The following FRS2 variants were observed in gnomAD, a reference collection of about 807,000 sequenced individuals.
FRS2 encodes the protein FGFR signalling adaptor.
Under a neutral mutation model 43.9 loss-of-function variants are expected in FRS2, and 8 were observed. The ratio of observed to expected loss-of-function variants is 0.18; its 90% CI spans 0.11 to 0.33. FRS2 has a LOEUF of 0.33. FRS2 is among the 10% of genes least tolerant of loss of function. The pLI is 1.00. For synonymous variants in FRS2, 219 were observed against 220.3 expected, an observed-to-expected ratio of 0.99 and a Z score of 0.05; for missense variants, 534 against 627.6, an observed-to-expected ratio of 0.85 and a Z score of 1.59.
intron 1 of FRS2, among the ~76,000 whole-genome samples, chr12:69,478,948 C>CTT (rs75219491): frequency 2.8e-5 from 4 of 140,912 alleles, no homozygotes; most frequent in Non-Finnish European, 4.7e-5. Context: ...ATATGAATGT[C>CTT]TTTTTTTTTT....
intron 6 of FRS2, 131 bp downstream of exon 6, chr12:69,570,648 A>G (rs992147850): frequency 6.4e-6 from 4 of 622,590 alleles, no homozygotes; most frequent in South Asian, 2.1e-5. Flanking sequence ...AAGGAAAGAT[A>G]TAGTATACTG....
chr12:69,557,449 G>A (rs968462054), intron 3 of FRS2, among the ~76,000 whole-genome samples: 3 of 152,048 alleles, frequency 2.0e-5, no homozygotes, highest in South Asian at 2.1e-4. Context: ...TCTGTGGTGC[G>A]ATCTGTGAAT....
At chr12:69,569,379 CT>C (rs1880563236) in intron 5 of FRS2, among the ~76,000 whole-genome samples, 2 of 152,112 alleles carry the variant, frequency 1.3e-5, no homozygotes, top group Non-Finnish European at 2.9e-5. Context: ...TCATCACTAT[CT>C]GTCTTTCAGT....
At chr12:69,536,930 A>G (rs1293260177) in intron 3 of FRS2, among the ~76,000 whole-genome samples, 3 of 151,800 alleles carry the variant, frequency 2.0e-5, no homozygotes, top group African/African-American at 7.3e-5. Context: ...TCTTCCTCTC[A>G]TTCTTGCCAG....
At chr12:69,565,796 C>A (rs1593064611) in intron 4 of FRS2, among the ~76,000 whole-genome samples, 1 of 151,932 alleles carries the variant, frequency 6.6e-6, no homozygotes, top group Admixed American at 6.6e-5. Flanking sequence ...TCCTGAAGGA[C>A]TTGCCTGAGG....
At chr12:69,542,261 T>C (rs748505854) in intron 3 of FRS2, among the ~76,000 whole-genome samples, 2 of 152,188 alleles carry the variant, frequency 1.3e-5, no homozygotes, top group Non-Finnish European at 2.9e-5. Context: ...CCTTATCAAC[T>C]AGAGGAATTT....
At chr12:69,489,774 A>G (rs546948371) in intron 1 of FRS2, among the ~76,000 whole-genome samples, 33 of 149,118 alleles carry the variant, frequency 2.2e-4, no homozygotes, top group Non-Finnish European at 4.2e-4. Context: ...GGTGTTTTTT[A>G]TATCCTGTTT....
intron 3 of FRS2, among the ~76,000 whole-genome samples, chr12:69,538,197 T>TTATATATATATATATATATATG (rs1877503158): frequency 1.2e-5 from 1 of 81,638 alleles, no homozygotes; most frequent in South Asian, 5.1e-4. Context: ...AAAACAAATT[T>TTATATATATATATATATATATG]TATATATATA....
intron 3 of FRS2, among the ~76,000 whole-genome samples, chr12:69,532,774 G>A (rs983726161): frequency 6.6e-6 from 1 of 152,176 alleles, no homozygotes; most frequent in Non-Finnish European, 1.5e-5. Context: ...TTATATATCA[G>A]CACTTAAGTA....
At chr12:69,535,489 T>C (rs1166550770) in intron 3 of FRS2, among the ~76,000 whole-genome samples, 1 of 152,198 alleles carries the variant, frequency 6.6e-6, no homozygotes, top group Non-Finnish European at 1.5e-5. Context: ...TCAGATAGTC[T>C]CTTTGCTTTG....
At chr12:69,570,276 C>G in intron 5 of FRS2, 55 bp from the exon 6 acceptor site, 1 of 1,258,012 alleles carries the variant, frequency 7.9e-7, no homozygotes, top group Non-Finnish European at 1.2e-6. Context: ...AGCAACAATG[C>G]ATTTTCCTGA....
intron 3 of FRS2, among the ~76,000 whole-genome samples, chr12:69,551,938 T>TA (rs1283030866): frequency 6.6e-6 from 1 of 152,174 alleles, no homozygotes; most frequent in Non-Finnish European, 1.5e-5. Flanking sequence ...GGGTGTGTCT[T>TA]ACAATTAGTG....
intron 1 of FRS2, among the ~76,000 whole-genome samples, chr12:69,501,551 T>G (rs967173587): frequency 6.6e-6 from 1 of 152,242 alleles, no homozygotes; most frequent in Non-Finnish European, 1.5e-5. Flanking sequence ...ATATTTCTTT[T>G]GCATTATATT....
At chr12:69,571,254 C>T (rs1233809022) in intron 6 of FRS2, 22 bp from the exon 7 acceptor site, 2 of 1,534,950 alleles carry the variant, frequency 1.3e-6, no homozygotes, top group Admixed American at 2.1e-5. Flanking sequence ...AACTATTTTT[C>T]CCTTTTGGTT....
intron 1 of FRS2, among the ~76,000 whole-genome samples, chr12:69,484,095 C>CTTTTTTTTTTTTTTTTTTTT (rs368221087): frequency 4.7e-5 from 7 of 149,262 alleles, no homozygotes; most frequent in Non-Finnish European, 9.0e-5. Context: ...GCTTTTCTTT[C>CTTTTTTTTTTTTTTTTTTTT]TTTTTTTTTG....
intron 3 of FRS2, among the ~76,000 whole-genome samples, chr12:69,533,507 G>T (rs1014816157): frequency 1.3e-5 from 2 of 152,062 alleles, no homozygotes; most frequent in African/African-American, 4.8e-5. Context: ...GCACCACTGT[G>T]CCTGGCTAGT....
intron 1 of FRS2, among the ~76,000 whole-genome samples, chr12:69,529,090 G>C (rs1876538509): frequency 6.6e-6 from 1 of 152,176 alleles, no homozygotes; most frequent in African/African-American, 2.4e-5. Flanking sequence ...GACTCAGTTG[G>C]AGAATTCGAT....
chr12:69,519,770 T>C (rs1035693171), intron 1 of FRS2, among the ~76,000 whole-genome samples: 1 of 152,268 alleles, frequency 6.6e-6, no homozygotes, highest in Non-Finnish European at 1.5e-5. Flanking sequence ...TAGTATTCCA[T>C]GTTGTATATG....
intron 1 of FRS2, among the ~76,000 whole-genome samples, chr12:69,514,632 A>G (rs1378146190): frequency 4.6e-5 from 7 of 152,190 alleles, no homozygotes; most frequent in Admixed American, 2.6e-4. Context: ...CAGGAGTTCT[A>G]GACCAGCCTG....
Sources: gnomAD v4.1 joint callset for allele counts (sites outside exome capture counted in the v4.1 genomes callset) on GRCh38, gnomAD v4.1.1 for gene constraint, MANE v1.5 for transcripts, NCBI Gene and HGNC (gene_info 2026-07-23, HGNC 2026-07-21) for gene names.